The following ASIC2 variants were observed in gnomAD, a reference collection of about 807,000 sequenced individuals.
ASIC2 encodes acid sensing ion channel subunit 2.
ASIC2 carries 25 observed loss-of-function variants against 57.3 expected under a neutral mutation model. That is an observed-to-expected ratio of 0.44 (90% CI 0.32 to 0.61). ASIC2 has a LOEUF of 0.61. Among genes scored for constraint, ASIC2 ranks in the 20% least tolerant of loss-of-function variants. ASIC2 has a pLI of 0.06. For missense variants in ASIC2, 641 were observed against 738.1 expected (o/e 0.87, Z 1.52); for synonymous variants, 319 against 307.5 (o/e 1.04, Z -0.39).
At chr17:33,195,110 T>C (rs1232124954) in intron 1 of ASIC2, among the ~76,000 whole-genome samples, 1 of 152,134 alleles carries the variant, frequency 6.6e-6, no homozygotes, top group Non-Finnish European at 1.5e-5. Flanking sequence ...CTTGCCTGAA[T>C]TGTGACATAT....
intron 1 of ASIC2, among the ~76,000 whole-genome samples, chr17:33,378,791 C>G (rs565865439): frequency 1.3e-5 from 2 of 152,174 alleles, no homozygotes; most frequent in East Asian, 1.9e-4. Flanking sequence ...ATTTCTTAGG[C>G]CTTGATGTTG....
intron 3 of ASIC2, among the ~76,000 whole-genome samples, chr17:33,074,544 A>C (rs918498180): frequency 1.3e-5 from 2 of 152,076 alleles, no homozygotes; most frequent in African/African-American, 4.8e-5. Flanking sequence ...TTCCATGTCT[A>C]GGTTCCTCTA....
chr17:33,692,151 G>A (rs144663898), intron 1 of ASIC2: 4 of 152,168 alleles, frequency 2.6e-5, no homozygotes, highest in African/African-American at 9.6e-5. Flanking sequence ...ATATTCTATA[G>A]TTAGGTAAGC....
At chr17:34,112,385 T>C (rs1911302683) in intron 1 of ASIC2, among the ~76,000 whole-genome samples, 1 of 148,088 alleles carries the variant, frequency 6.8e-6, no homozygotes, top group East Asian at 2.0e-4. Context: ...ACAAACTAAA[T>C]ACAAATGATG....
At chr17:33,886,159 C>A (rs1334020161) in intron 1 of ASIC2, among the ~76,000 whole-genome samples, 2 of 152,136 alleles carry the variant, frequency 1.3e-5, no homozygotes, top group African/African-American at 4.8e-5. Context: ...CTTGCAAGTT[C>A]CATCATCTTT....
At chr17:33,553,241 T>C (rs1316153404) in intron 1 of ASIC2, among the ~76,000 whole-genome samples, 1 of 152,150 alleles carries the variant, frequency 6.6e-6, no homozygotes, top group East Asian at 1.9e-4. Flanking sequence ...TGGGTTGAGA[T>C]AGCACTAAGC....
chr17:33,151,194 C>T (rs1416507620), intron 1 of ASIC2, among the ~76,000 whole-genome samples: 1 of 149,742 alleles, frequency 6.7e-6, no homozygotes, highest in African/African-American at 2.5e-5. Flanking sequence ...CACACACACA[C>T]ACACACGCGC....
intron 1 of ASIC2, among the ~76,000 whole-genome samples, chr17:33,990,190 C>T (rs1160605173): frequency 6.6e-6 from 1 of 152,152 alleles, no homozygotes; most frequent in Non-Finnish European, 1.5e-5. Context: ...GCCAGACAGG[C>T]CTGGTCACAG....
At chr17:33,625,125 CTCTG>C (rs35947234) in intron 1 of ASIC2, among the ~76,000 whole-genome samples, 1 of 144,254 alleles carries the variant, frequency 6.9e-6, no homozygotes, top group African/African-American at 2.5e-5. Flanking sequence ...AATGTGGCCT[CTCTG>C]TCTATCTATC....
At chr17:33,795,661 A>T (rs954565418) in intron 1 of ASIC2, among the ~76,000 whole-genome samples, 3 of 152,232 alleles carry the variant, frequency 2.0e-5, no homozygotes, top group Non-Finnish European at 4.4e-5. Flanking sequence ...CAGACACAGA[A>T]ATACCTTCTG....
chr17:33,386,436 A>G (rs1909679012), intron 1 of ASIC2, among the ~76,000 whole-genome samples: 1 of 152,210 alleles, frequency 6.6e-6, no homozygotes, highest in Non-Finnish European at 1.5e-5. Flanking sequence ...TACTCAGTTG[A>G]AAACCTGGGA....
At chr17:33,561,720 G>T (rs1462702229) in intron 1 of ASIC2, among the ~76,000 whole-genome samples, 3 of 148,046 alleles carry the variant, frequency 2.0e-5, no homozygotes, top group East Asian at 1.9e-4. Context: ...AGAAGAGCAG[G>T]CAGGAGCCTG....
chr17:34,029,850 G>T (rs780502289), intron 1 of ASIC2, among the ~76,000 whole-genome samples: 4 of 152,148 alleles, frequency 2.6e-5, no homozygotes, highest in Non-Finnish European at 4.4e-5. Flanking sequence ...ATTTTGTGAT[G>T]GCAGCCTGAG....
intron 1 of ASIC2, among the ~76,000 whole-genome samples, chr17:33,684,191 C>T (rs1220169498): frequency 2.6e-5 from 4 of 152,196 alleles, no homozygotes; most frequent in African/African-American, 9.6e-5. Flanking sequence ...ACAAATTATA[C>T]ACCCTGGCAT....
At chr17:33,424,067 G>A (rs1465265786) in intron 1 of ASIC2, among the ~76,000 whole-genome samples, 1 of 152,130 alleles carries the variant, frequency 6.6e-6, no homozygotes, top group Non-Finnish European at 1.5e-5. Context: ...AGATGCCTTG[G>A]GGGGCTGGCA....
chr17:33,779,290 C>T (rs527834023), intron 1 of ASIC2, among the ~76,000 whole-genome samples: 86 of 152,284 alleles, frequency 5.6e-4, no homozygotes, highest in African/African-American at 2.0e-3. Context: ...TCTTCAGCTG[C>T]CCTCCAGATG....
chr17:33,442,781 C>T (rs1261962314), intron 1 of ASIC2, among the ~76,000 whole-genome samples: 2 of 151,662 alleles, frequency 1.3e-5, no homozygotes, highest in African/African-American at 4.8e-5. Flanking sequence ...CTTTTTCTTG[C>T]CTTATTGCAC....
chr17:33,399,774 G>C (rs1910214668), intron 1 of ASIC2, among the ~76,000 whole-genome samples: 1 of 152,166 alleles, frequency 6.6e-6, no homozygotes, highest in Non-Finnish European at 1.5e-5. Flanking sequence ...TCTCCTAAAA[G>C]GAGCGTGTGT....
At chr17:33,100,000 A>G (rs1414338424) in intron 2 of ASIC2, 1 of 152,340 alleles carries the variant, frequency 6.6e-6, no homozygotes, top group South Asian at 2.1e-4. Flanking sequence ...TTTTGATGTT[A>G]AGAAGACATC....
Sources: gnomAD v4.1 joint callset for allele counts (sites outside exome capture counted in the v4.1 genomes callset) on GRCh38, gnomAD v4.1.1 for gene constraint, MANE v1.5 for transcripts, NCBI Gene and HGNC (gene_info 2026-07-23, HGNC 2026-07-21) for gene names.